The following ANO3 variants were observed in gnomAD, a reference collection of about 807,000 sequenced individuals.
ANO3 encodes the protein anoctamin-3.
Under a neutral mutation model 144.8 loss-of-function variants are expected in ANO3, and 99 were observed. The ratio of observed to expected loss-of-function variants is 0.68; its 90% CI spans 0.58 to 0.81. The LOEUF is 0.81. ANO3 is among the 30% of genes least tolerant of loss of function. The pLI is 0.00. For missense variants in ANO3, 905 were observed against 1,202.2 expected (o/e 0.75, Z 3.66); for synonymous variants, 414 against 392.6 (o/e 1.05, Z -0.64).
At chr11:26,478,860 C>T (rs1860086563) in intron 4 of ANO3, among the ~76,000 whole-genome samples, 1 of 152,152 alleles carries the variant, frequency 6.6e-6, no homozygotes, top group Non-Finnish European at 1.5e-5. Context: ...CAGGTAATTA[C>T]TTTGCTTCTG....
At chr11:26,224,171 C>T (rs891786481) in intron 1 of ANO3, among the ~76,000 whole-genome samples, 3 of 152,032 alleles carry the variant, frequency 2.0e-5, no homozygotes, top group Non-Finnish European at 1.5e-5. Context: ...TTGCTCCTCT[C>T]GGTAACCAAG....
chr11:26,660,418 C>A lies in ANO3; in HGVS notation c.2920C>A (p.Gln974Lys). ...HLQQQRRKSG[Q>K]PVHHEWP is the part of the protein sequence containing the mutation. ...GCAACAACAACGGAGAAAAAGTGGT[C>A]AGCCTGTTCACCATGAATGGCCTTA... is the stretch of plus-strand genomic sequence containing the variant. The change falls in exon 27 of 27, where the codon CAG (glutamine) becomes AAG (lysine). Residue 974 changes from glutamine to lysine, a missense_variant. Gln to Lys is a moderately conservative substitution (Grantham distance 53). Transcript: ENST00000256737. 6.2e-7 allele frequency: 1 copy of A among 1,612,834 alleles called. No individual in the cohort carries two copies. The highest frequency in any genetic ancestry group is 1.1e-5 in the South Asian group (1 of 90,756).
At chr11:26,330,437 G>A (rs538290366), upstream of ANO3, among the ~76,000 whole-genome samples, 1 of 152,228 alleles carries the variant, frequency 6.6e-6, no homozygotes, top group Admixed American at 6.5e-5. Context: ...CTGTAACCAA[G>A]TATTTCTTCA....
At chr11:26,444,934 A>G (rs939317625) in intron 3 of ANO3, among the ~76,000 whole-genome samples, 9 of 152,212 alleles carry the variant, frequency 5.9e-5, no homozygotes, top group Non-Finnish European at 1.2e-4. Context: ...CAAAAAGAGC[A>G]TCTCATCAGA....
At chr11:26,548,627 G>A (rs1259188207) in intron 12 of ANO3, among the ~76,000 whole-genome samples, 1 of 151,790 alleles carries the variant, frequency 6.6e-6, no homozygotes, top group African/African-American at 2.4e-5. Flanking sequence ...AAACAAAACA[G>A]CTTTATTGTC....
chr11:26,547,687 G>T, intron 12 of ANO3, 137 bp downstream of exon 12: 3 of 874,952 alleles, frequency 3.4e-6, no homozygotes, highest in Non-Finnish European at 5.0e-6. Flanking sequence ...CTGTTTTTTG[G>T]CTTTTGTTTT....
chr11:26,286,945 T>C (rs1853821321), intron 1 of ANO3, among the ~76,000 whole-genome samples: 1 of 151,776 alleles, frequency 6.6e-6, no homozygotes, highest in Admixed American at 6.6e-5. Flanking sequence ...CCAACAGACA[T>C]TCAGATTTTT....
intron 14 of ANO3, among the ~76,000 whole-genome samples, chr11:26,571,160 G>A (rs1850809288): frequency 6.6e-6 from 1 of 152,020 alleles, no homozygotes; most frequent in Non-Finnish European, 1.5e-5. Context: ...ACTAATTAGT[G>A]ATGAGTGTCA....
At chr11:26,479,228 G>A (rs1860107122) in intron 4 of ANO3, among the ~76,000 whole-genome samples, 1 of 152,128 alleles carries the variant, frequency 6.6e-6, no homozygotes, top group Non-Finnish European at 1.5e-5. Context: ...TTTGTTAGGA[G>A]AGGCTATGAT....
intron 4 of ANO3, among the ~76,000 whole-genome samples, chr11:26,489,812 G>A (rs1860628542): frequency 2.0e-5 from 3 of 152,184 alleles, no homozygotes; most frequent in Admixed American, 1.3e-4. Context: ...TATTTGGAAA[G>A]GCTGTATTGA....
chr11:26,385,067 T>C (rs1172038772), intron 1 of ANO3, among the ~76,000 whole-genome samples: 2 of 152,202 alleles, frequency 1.3e-5, no homozygotes, highest in African/African-American at 2.4e-5. Flanking sequence ...TCTCACATGG[T>C]ATTAATATTC....
intron 1 of ANO3, among the ~76,000 whole-genome samples, chr11:26,363,678 G>A (rs188613129): frequency 2.6e-5 from 4 of 152,198 alleles, no homozygotes; most frequent in East Asian, 1.9e-4. Flanking sequence ...CAGAGTCCAC[G>A]CCTATGCTTT....
At chr11:26,335,418 C>T (rs113484316) in intron 1 of ANO3, among the ~76,000 whole-genome samples, 23 of 151,984 alleles carry the variant, frequency 1.5e-4, no homozygotes, top group African/African-American at 5.1e-4. Flanking sequence ...TTTTGCATCA[C>T]GCAGCTTTAT....
chr11:26,457,770 G>A (rs1178750297), intron 3 of ANO3, among the ~76,000 whole-genome samples: 1 of 152,048 alleles, frequency 6.6e-6, no homozygotes, highest in Non-Finnish European at 1.5e-5. Context: ...ATTGAGCTTT[G>A]AGACTGCATT....
intron 1 of ANO3, among the ~76,000 whole-genome samples, chr11:26,386,570 A>G (rs1856739424): frequency 6.6e-6 from 1 of 152,194 alleles, no homozygotes; most frequent in Admixed American, 6.5e-5. Flanking sequence ...CCATGTTGCA[A>G]TGGGTTGACG....
At chr11:26,294,242 G>A (rs966820626) in intron 1 of ANO3, among the ~76,000 whole-genome samples, 1 of 152,026 alleles carries the variant, frequency 6.6e-6, no homozygotes, top group African/African-American at 2.4e-5. Context: ...TCATATTTTC[G>A]ACATGAATTC....
At chr11:26,448,980 T>C (rs1169001899) in intron 3 of ANO3, among the ~76,000 whole-genome samples, 4 of 152,182 alleles carry the variant, frequency 2.6e-5, no homozygotes, top group African/African-American at 7.2e-5. Flanking sequence ...AAAGCTTTAA[T>C]AAAAGGAAGA....
At chr11:26,452,344 C>T (rs1452814493) in intron 3 of ANO3, among the ~76,000 whole-genome samples, 7 of 151,966 alleles carry the variant, frequency 4.6e-5, no homozygotes, top group Admixed American at 2.0e-4. Flanking sequence ...AACATTTAGA[C>T]GAATGTATAA....
rs1853689815 is a variant in ANO3, at chr11:26,656,379, C to T, written c.2661C>T (p.Tyr887=). 6.3e-7 allele frequency: 1 copy of T among 1,589,788 alleles called. No individual in the cohort carries two copies. The highest frequency in any genetic ancestry group is 8.6e-7 in the Non-Finnish European group (1 of 1,158,246). ...TCTTTGTTTTTGTGGATTTCAGGTA[C>T]AGAGACTACAGAGGCCCGCCCTGGA... ...LGMGKSGYCR[Y]RDYRGPPWSS... Residue 887 remains tyrosine (Y), a synonymous_variant, in exon 26 of 27, where the codon TAC becomes TAT. Transcript: ENST00000256737.
Sources: gnomAD v4.1 joint callset for allele counts (sites outside exome capture counted in the v4.1 genomes callset) on GRCh38, gnomAD v4.1.1 for gene constraint, MANE v1.5 for transcripts, NCBI Gene and HGNC (gene_info 2026-07-23, HGNC 2026-07-21) for gene names.